Variants in ARPC5L observed in about 807,000 individuals in gnomAD.
ARPC5L encodes the protein actin related protein 2/3 complex subunit 5 like, also known as actin-related protein 2/3 complex subunit 5-like protein.
A neutral mutation model predicts 16.9 loss-of-function variants in ARPC5L; 4 were observed. That is an observed-to-expected ratio of 0.24 (90% CI 0.12 to 0.54). The LOEUF (loss-of-function observed/expected upper bound fraction) is 0.54. Among genes scored for constraint, ARPC5L ranks in the 20% least tolerant of loss-of-function variants. ARPC5L has a pLI of 0.95. For missense variants in ARPC5L, 151 were observed against 201.9 expected (o/e 0.75, Z 1.53); for synonymous variants, 78 against 82.6 (o/e 0.94, Z 0.30).
At chr9:124,876,592 T>C (rs960247574) in intron 5 of ARPC5L, among the ~76,000 whole-genome samples, 9 of 152,226 alleles carry the variant, frequency 5.9e-5, no homozygotes, top group African/African-American at 2.2e-4. Context: ...AGCTGTGATC[T>C]GGGCAACAGA....
At position 124,869,272 on chromosome 9, in the gene ARPC5L, CG is replaced by C. The variant is rs1829318887; in HGVS notation, c.-16del. The C allele has an allele frequency of 4.6e-6, 7 of 1,510,022 alleles. No individual in the cohort carries two copies. Among genetic ancestry groups the C allele is most frequent in the Non-Finnish European group, 6.2e-6 (7 of 1,130,072 alleles). 93.5% of individuals were successfully genotyped at this position (1,510,022 alleles called of 1,614,324 possible). A position where few individuals can be genotyped will look rare whatever the true frequency, so the allele number is the denominator to read the frequency against. ...CGGGCCGCGAGCGGAGCCGGCTGAGCGGGCGCCGAGCTCCCGCCATGGCCCG... is the reference window on the plus strand; with the variant it reads ...CGGGCCGCGAGCGGAGCCGGCTGAGCGGCGCCGAGCTCCCGCCATGGCCCG... On this transcript the variant is annotated 5_prime_UTR_variant, in exon 3 of 6. Transcript: ENST00000353214.
intron 3 of ARPC5L, among the ~76,000 whole-genome samples, chr9:124,869,883 T>TGGGGCGCGGTCCTCC (rs1829331218): frequency 6.6e-6 from 1 of 152,184 alleles, no homozygotes; most frequent in South Asian, 2.1e-4. Context: ...TCGGGGAGGC[T>TGGGGCGCGGTCCTCC]GGGGCGCGGT....
At chr9:124,871,098 C>T (rs1009078575) in intron 3 of ARPC5L, among the ~76,000 whole-genome samples, 7 of 152,072 alleles carry the variant, frequency 4.6e-5, no homozygotes, top group Non-Finnish European at 7.4e-5. Flanking sequence ...TATCATGTAC[C>T]AAGAATCGGA....
Position 124,877,698 on chromosome 9 carries a change from ATTAATTTAATAAAGT to A in ARPC5L, c.*759_*773del, listed in dbSNP as rs957107068. 1 of 152,176 alleles carries A rather than the reference ATTAATTTAATAAAGT, an allele frequency of 6.6e-6. No individual in the cohort carries two copies. Among genetic ancestry groups the A allele is most frequent in the Non-Finnish European group, 1.5e-5 (1 of 68,040 alleles). The allele number at this position is 152,176 out of a possible 1,614,324, so 9.4% of individuals were successfully genotyped here. ...TGTAATTAATTTTGGAGCTTATTTAATTAATTTAATAAAGTGCCAAACATTTAATAATTGATCTAG... is the reference window on the plus strand; with the variant it reads ...TGTAATTAATTTTGGAGCTTATTTAAGCCAAACATTTAATAATTGATCTAG... On this transcript the variant is annotated 3_prime_UTR_variant, in exon 6 of 6. Coordinates refer to ENST00000353214, the MANE Select transcript of ARPC5L (RefSeq NM_030978.3).
chr9:124,877,652 T>A lies in ARPC5L; in HGVS notation c.*712T>A, dbSNP rs2131341996. ...GTTTGCTGAATAAACTATTTATTGT[T>A]TCTTATTCCTTTGATTTGTATGTAA... is the stretch of plus-strand genomic sequence containing the variant. On this transcript the variant is annotated 3_prime_UTR_variant, in exon 6 of 6. Coordinates refer to ENST00000353214, the MANE Select transcript of ARPC5L (RefSeq NM_030978.3). 1 of 152,364 alleles carries A rather than the reference T, an allele frequency of 6.6e-6. No individual in the cohort carries two copies. The highest frequency in any genetic ancestry group is 1.9e-4 in the East Asian group (1 of 5,176). 9.4% of individuals were successfully genotyped at this position (152,364 alleles called of 1,614,324 possible).
At position 124,868,980 on chromosome 9, in the gene ARPC5L, A is replaced by G; in HGVS notation, c.-311A>G. On this transcript the variant is annotated 5_prime_UTR_variant, in exon 3 of 6. Coordinates refer to ENST00000353214, the MANE Select transcript of ARPC5L (RefSeq NM_030978.3). ...ACGGCACACACGAGGCGGGGCCTGC[A>G]CAGATGCCGGGCGCCCGATCCTCAG... is the stretch of plus-strand genomic sequence containing the variant. 1 of 271,084 alleles carries G rather than the reference A, an allele frequency of 3.7e-6. No homozygotes were observed. The highest frequency in any genetic ancestry group is 6.9e-6 in the Non-Finnish European group (1 of 145,016). 16.8% of individuals were successfully genotyped at this position (271,084 alleles called of 1,614,324 possible). A position where few individuals can be genotyped will look rare whatever the true frequency, so the allele number is the denominator to read the frequency against.
At chr9:124,873,639 A>T in intron 3 of ARPC5L, 53 bp from the exon 4 acceptor site, 1 of 1,600,622 alleles carries the variant, frequency 6.2e-7, no homozygotes, top group South Asian at 1.1e-5. Context: ...GAGCTTGTTC[A>T]TGACGGCATG....
At chr9:124,874,275 G>A (rs1473342001) in intron 4 of ARPC5L, among the ~76,000 whole-genome samples, 2 of 152,214 alleles carry the variant, frequency 1.3e-5, no homozygotes, top group African/African-American at 4.8e-5. Flanking sequence ...ACAGAGTTCT[G>A]GGGAATGGCC....
At chr9:124,873,619 T>C in intron 3 of ARPC5L, 73 bp from the exon 4 acceptor site, 1 of 1,554,210 alleles carries the variant, frequency 6.4e-7, no homozygotes, top group South Asian at 1.1e-5. Context: ...TCCTGAGCTG[T>C]TTCTGAAGTG....
Position 124,869,209 on chromosome 9 carries a change from C to G in ARPC5L, c.-82C>G. ...GCAGCCGGGCAGCCGCTTCCCGCCCCCGAGCAGGAGCCGGTGCGAGCGGAG... is the reference window on the plus strand; with the variant it reads ...GCAGCCGGGCAGCCGCTTCCCGCCCGCGAGCAGGAGCCGGTGCGAGCGGAG... On this transcript the variant is annotated 5_prime_UTR_variant, in exon 3 of 6. Coordinates refer to ENST00000353214, the MANE Select transcript of ARPC5L (RefSeq NM_030978.3). 5.9e-6 allele frequency: 8 copies of G among 1,346,408 alleles called. No individual in the cohort carries two copies. The highest frequency in any genetic ancestry group is 3.6e-5 in the South Asian group (2 of 55,658). The allele number at this position is 1,346,408 out of a possible 1,614,324, so 83.4% of individuals were successfully genotyped here.
intron 5 of ARPC5L, 31 bp from the exon 6 acceptor site, chr9:124,876,847 T>C (rs779682129): frequency 1.2e-6 from 2 of 1,601,854 alleles, no homozygotes; most frequent in South Asian, 1.1e-5. Flanking sequence ...CCAGGTCTCA[T>C]CTGACACGTT....
chr9:124,864,801 G>A (rs1258195575), intron 2 of ARPC5L, among the ~76,000 whole-genome samples: 2 of 151,670 alleles, frequency 1.3e-5, no homozygotes, highest in Admixed American at 6.6e-5. Flanking sequence ...ACGGCGCAGT[G>A]CGCCTGGACC....
chr9:124,869,550 C>T, intron 3 of ARPC5L, 111 bp downstream of exon 3: 1 of 1,378,604 alleles, frequency 7.3e-7, no homozygotes, highest in Non-Finnish European at 9.3e-7. Flanking sequence ...GACCCTTGGC[C>T]CCCTCAGGTC....
chr9:124,877,397 C>A lies in ARPC5L; in HGVS notation c.*457C>A. The A allele has an allele frequency of 6.2e-6, 1 of 161,356 alleles. No homozygotes were observed. Among genetic ancestry groups the A allele is most frequent in the East Asian group, 1.9e-4 (1 of 5,302 alleles). The allele number at this position is 161,356 out of a possible 1,614,324, so 10.0% of individuals were successfully genotyped here. A position where few individuals can be genotyped will look rare whatever the true frequency, so the allele number is the denominator to read the frequency against. The stretch of plus-strand genomic sequence containing the variant: ...AAGTGCCTGCTGCATCAATAAAGCT[C>A]TTGGCTTATTAGTCTATACATTGCG... On this transcript the variant is annotated 3_prime_UTR_variant, in exon 6 of 6. Coordinates refer to ENST00000353214, the MANE Select transcript of ARPC5L (RefSeq NM_030978.3).
At chr9:124,871,313 G>T (rs998458962) in intron 3 of ARPC5L, among the ~76,000 whole-genome samples, 3 of 152,182 alleles carry the variant, frequency 2.0e-5, no homozygotes, top group African/African-American at 7.2e-5. Context: ...CGGATAGGTC[G>T]CATACCCTTT....
intron 4 of ARPC5L, 77 bp from the exon 5 acceptor site, chr9:124,874,898 G>T: frequency 6.4e-7 from 1 of 1,566,440 alleles, no homozygotes; most frequent in Non-Finnish European, 8.8e-7. Context: ...GGTGATCTGT[G>T]TCCTTGCTTT....
At chr9:124,874,227 T>G (rs1421907165) in intron 4 of ARPC5L, among the ~76,000 whole-genome samples, 1 of 152,264 alleles carries the variant, frequency 6.6e-6, no homozygotes, top group African/African-American at 2.4e-5. Flanking sequence ...TTCTGGCAGC[T>G]GTGACAGCAT....
At chr9:124,864,779 C>G (rs1015266778) in intron 2 of ARPC5L, among the ~76,000 whole-genome samples, 2 of 151,380 alleles carry the variant, frequency 1.3e-5, no homozygotes, top group Non-Finnish European at 2.9e-5. Context: ...GCTGCGATTA[C>G]AGGCATGAGC....
At chr9:124,874,900 C>T in intron 4 of ARPC5L, 75 bp from the exon 5 acceptor site, 1 of 1,571,818 alleles carries the variant, frequency 6.4e-7, no homozygotes, top group Admixed American at 1.7e-5. Context: ...TGATCTGTGT[C>T]CTTGCTTTGG....
Sources: gnomAD v4.1 joint callset for allele counts (sites outside exome capture counted in the v4.1 genomes callset) on GRCh38, gnomAD v4.1.1 for gene constraint, MANE v1.5 for transcripts, NCBI Gene and HGNC (gene_info 2026-07-23, HGNC 2026-07-21) for gene names.